LRIG1: variants seen among roughly 807,000 people sequenced by gnomAD.
The protein encoded by LRIG1 is leucine rich repeats and immunoglobulin like domains 1, also known as leucine-rich repeats and immunoglobulin-like domains protein 1.
LRIG1 carries 48 observed loss-of-function variants against 99.2 expected under a neutral mutation model. The observed-to-expected ratio is 0.48, with a 90% CI of 0.38 to 0.62. The LOEUF is 0.62. LRIG1 is among the 20% of genes least tolerant of loss of function. The pLI, the probability that LRIG1 is intolerant of heterozygous loss-of-function variation, is 0.00. For synonymous variants in LRIG1, 772 were observed against 596.1 expected, an observed-to-expected ratio of 1.29 and a Z score of -4.30; for missense variants, 1,646 against 1,434.4, an observed-to-expected ratio of 1.15 and a Z score of -2.38.
intron 3 of LRIG1, among the ~76,000 whole-genome samples, chr3:66,421,933 C>T (rs1702827921): frequency 6.6e-6 from 1 of 152,248 alleles, no homozygotes; most frequent in East Asian, 1.9e-4. Flanking sequence ...TGCATACCTG[C>T]AGGCTCAGCA....
intron 3 of LRIG1, among the ~76,000 whole-genome samples, chr3:66,439,279 G>A (rs765965945): frequency 1.3e-5 from 2 of 152,236 alleles, no homozygotes; most frequent in African/African-American, 2.4e-5. Context: ...CAACAATTAC[G>A]AGGCAGAAAA....
chr3:66,391,829 C>T (rs1267727235), intron 12 of LRIG1, among the ~76,000 whole-genome samples: 2 of 152,176 alleles, frequency 1.3e-5, no homozygotes, highest in Admixed American at 6.5e-5. Flanking sequence ...CTACAACTCA[C>T]TCATCTAAAG....
intron 8 of LRIG1, chr3:66,405,634 A>G: frequency 3.5e-6 from 3 of 847,360 alleles, no homozygotes; most frequent in Non-Finnish European, 4.7e-6. Flanking sequence ...AGGTTCCTTA[A>G]GGCTCCCGTC....
At position 66,383,094 on chromosome 3, in the gene LRIG1, T is replaced by C; in HGVS notation, c.2379A>G (p.Val793=). The C allele has an allele frequency of 6.2e-7, 1 of 1,614,254 alleles. No individual in the cohort carries two copies. The change falls in exon 15 of 19, where the codon GTA becomes GTG. Residue 793 remains valine, a synonymous_variant. Transcript: ENST00000273261. ...AAGCRKDGTT[V]GIFTIAVVSS... Reference sequence around the variant, plus strand: ...TCACGACAGCAATGGTGAAGATGCCTACCGTGGTCCCATCCTTCCTGCAGC... The same window carrying C: ...TCACGACAGCAATGGTGAAGATGCCCACCGTGGTCCCATCCTTCCTGCAGC...
intron 9 of LRIG1, among the ~76,000 whole-genome samples, chr3:66,402,995 T>C (rs1487365876): frequency 6.6e-6 from 1 of 152,190 alleles, no homozygotes; most frequent in Non-Finnish European, 1.5e-5. Context: ...AGTTTTTACA[T>C]AGCCCTGTGT....
At chr3:66,398,029 G>T in intron 11 of LRIG1, 83 bp downstream of exon 11, 1 of 1,122,910 alleles carries the variant, frequency 8.9e-7, no homozygotes, top group Non-Finnish European at 1.3e-6. Flanking sequence ...CTTTTAACAA[G>T]TGAGCATAAT....
chr3:66,410,385 C>T (rs1038006230), intron 6 of LRIG1, 113 bp from the exon 7 acceptor site: 1 of 984,932 alleles, frequency 1.0e-6, no homozygotes, highest in Admixed American at 2.4e-5. Flanking sequence ...AAGGCTAGAA[C>T]AGTGCACGAC....
intron 4 of LRIG1, among the ~76,000 whole-genome samples, chr3:66,415,318 C>A (rs1392603914): frequency 2.0e-5 from 3 of 152,102 alleles, no homozygotes; most frequent in South Asian, 4.1e-4. Flanking sequence ...GCTGCTGGGC[C>A]ACCCCAAGAG....
At chr3:66,440,199 C>T (rs1703494665) in intron 3 of LRIG1, among the ~76,000 whole-genome samples, 1 of 152,164 alleles carries the variant, frequency 6.6e-6, no homozygotes, top group Non-Finnish European at 1.5e-5. Flanking sequence ...AAAACCACCA[C>T]AACGCCTGGG....
At chr3:66,436,218 C>T (rs577198577) in intron 3 of LRIG1, among the ~76,000 whole-genome samples, 43 of 152,272 alleles carry the variant, frequency 2.8e-4, no homozygotes, top group African/African-American at 9.6e-4. Context: ...GAAGACGTGC[C>T]AGACGTGCAT....
At chr3:66,451,490 G>A (rs139936624) in intron 3 of LRIG1, 69 bp downstream of exon 3, 1 of 1,329,438 alleles carries the variant, frequency 7.5e-7, no homozygotes, top group Non-Finnish European at 1.1e-6. Flanking sequence ...CTGCCACCAG[G>A]TATCAGCAAG....
chr3:66,447,533 G>A (rs1228186674), intron 3 of LRIG1, among the ~76,000 whole-genome samples: 2 of 152,134 alleles, frequency 1.3e-5, no homozygotes, highest in African/African-American at 4.8e-5. Context: ...TTTTGCCTAG[G>A]TCTTCCTCCT....
At chr3:66,474,356 T>C (rs1700669863) in intron 1 of LRIG1, among the ~76,000 whole-genome samples, 1 of 152,042 alleles carries the variant, frequency 6.6e-6, no homozygotes, top group Non-Finnish European at 1.5e-5. Context: ...TCTTTTTTTT[T>C]TTTTTTGAAA....
intron 1 of LRIG1, among the ~76,000 whole-genome samples, chr3:66,497,973 T>C (rs970416744): frequency 6.6e-6 from 1 of 152,214 alleles, no homozygotes; most frequent in Admixed American, 6.5e-5. Context: ...AATACTCTTA[T>C]GGAAATTCCA....
At chr3:66,450,119 C>T (rs1703853254) in intron 3 of LRIG1, among the ~76,000 whole-genome samples, 1 of 152,188 alleles carries the variant, frequency 6.6e-6, no homozygotes, top group South Asian at 2.1e-4. Context: ...CTTCCAGATG[C>T]TGGGCCCACA....
intron 7 of LRIG1, among the ~76,000 whole-genome samples, chr3:66,409,111 C>T (rs1375523411): frequency 6.6e-6 from 1 of 152,050 alleles, no homozygotes; most frequent in Admixed American, 6.6e-5. Context: ...AGAGACAGGA[C>T]AGACTGAGGC....
At position 66,463,832 on chromosome 3, in the gene LRIG1, G is replaced by C. The variant is rs1700411131; in HGVS notation, c.219-1323C>G. ...AATCAATACTAACCTAGAGCTGAGA[G>C]CCATTTCACTGTGAGCTCAGAGACG... On this transcript the variant is annotated intron_variant, in intron 1 of 18. Transcript: ENST00000273261. 4.6e-5 allele frequency among the ~76,000 whole-genome samples: 7 copies of C among 152,324 alleles called. No homozygotes were observed. In the South Asian group the frequency reaches 1.5e-3, roughly 32 times the overall value.
At chr3:66,401,777 A>C in intron 9 of LRIG1, 1 of 768,522 alleles carries the variant, frequency 1.3e-6, no homozygotes, top group Non-Finnish European at 2.0e-6. Flanking sequence ...ACCTGGCCTG[A>C]CCTCCCCAGC....
chr3:66,397,084 G>A (rs1007811040), intron 11 of LRIG1, among the ~76,000 whole-genome samples: 3 of 152,202 alleles, frequency 2.0e-5, no homozygotes, highest in Admixed American at 2.0e-4. Flanking sequence ...ACAGACACCC[G>A]CTCCAAGATC....
Sources: gnomAD v4.1 joint callset for allele counts (sites outside exome capture counted in the v4.1 genomes callset) on GRCh38, gnomAD v4.1.1 for gene constraint, MANE v1.5 for transcripts, NCBI Gene and HGNC (gene_info 2026-07-23, HGNC 2026-07-21) for gene names.